The following DYRK4 variants were observed in gnomAD, a reference collection of about 807,000 sequenced individuals.
DYRK4 encodes dual specificity tyrosine-phosphorylation-regulated kinase 4.
Under a neutral mutation model 68.3 loss-of-function variants are expected in DYRK4, and 64 were observed. That is an observed-to-expected ratio of 0.94 (90% confidence interval 0.77 to 1.15). The LOEUF (loss-of-function observed/expected upper bound fraction) is 1.15, where lower values mean the gene tolerates loss of function less well. Among genes scored for constraint, DYRK4 ranks in the 50% most tolerant of loss-of-function variants. The pLI is 0.00. For synonymous variants in DYRK4, 274 were observed against 289.9 expected, an observed-to-expected ratio of 0.95 and a Z score of 0.56; for missense variants, 740 against 764.7, an observed-to-expected ratio of 0.97 and a Z score of 0.38.
chr12:4,602,547 G>T, intron 10 of DYRK4: 1 of 1,209,686 alleles, frequency 8.3e-7, no homozygotes, highest in Non-Finnish European at 1.2e-6. Flanking sequence ...TAAGTGGAGG[G>T]ATATAAGCCA....
intron 2 of DYRK4, among the ~76,000 whole-genome samples, chr12:4,572,488 A>G (rs1413174086): frequency 6.6e-6 from 1 of 152,060 alleles, no homozygotes; most frequent in Non-Finnish European, 1.5e-5. Context: ...GTAGAGACGG[A>G]GTTTCACCAT....
At chr12:4,572,147 G>C (rs1944736176) in intron 2 of DYRK4, among the ~76,000 whole-genome samples, 3 of 152,204 alleles carry the variant, frequency 2.0e-5, no homozygotes, top group Non-Finnish European at 4.4e-5. Context: ...GAATGGTAAT[G>C]ACTCACCTTC....
intron 10 of DYRK4, 67 bp from the exon 11 acceptor site, chr12:4,604,847 C>T (rs1945122219): frequency 6.7e-7 from 1 of 1,485,446 alleles, no homozygotes; most frequent in East Asian, 2.5e-5. Flanking sequence ...AGAAGTTGTC[C>T]TGGGGGAGAG....
intron 6 of DYRK4, among the ~76,000 whole-genome samples, chr12:4,594,580 C>G (rs1300788175): frequency 6.6e-6 from 1 of 152,176 alleles, no homozygotes; most frequent in Non-Finnish European, 1.5e-5. Flanking sequence ...CAACCCCTCC[C>G]TCCCTGCTCC....
chr12:4,599,767 A>G lies in DYRK4; in HGVS notation c.1105A>G (p.Ser369Gly), dbSNP rs147140039. ...ASVKVIDFGS[S>G]CYEHQKVYTY... is the part of the protein sequence containing the mutation. ...TGTTAAAGTCATTGACTTTGGATCA[A>G]GCTGTTATGAACACCAGAAAGGTGA... is the stretch of plus-strand genomic sequence containing the variant. The change falls in exon 10 of 15, where the codon AGC becomes GGC. Residue 369 changes from serine to glycine, a missense_variant. By Grantham distance (56) the Ser-to-Gly change is moderately conservative. Coordinates refer to ENST00000543431, the MANE Select transcript of DYRK4 (RefSeq NM_001394779.1). 3.7e-6 allele frequency: 6 copies of G among 1,613,996 alleles called. No homozygotes were observed. Among genetic ancestry groups the G allele is most frequent in the Non-Finnish European group, 5.1e-6 (6 of 1,179,984 alleles).
intron 2 of DYRK4, among the ~76,000 whole-genome samples, chr12:4,573,724 G>T (rs899244680): frequency 6.6e-6 from 1 of 152,184 alleles, no homozygotes. Context: ...GATCCAAAGA[G>T]ATTTATGTAG....
Position 4,596,446 on chromosome 12 carries a change from G to A in DYRK4, c.765-143G>A, listed in dbSNP as rs561763605. The A allele has an allele frequency of 4.7e-6, 7 of 1,496,582 alleles. No individual in the cohort carries two copies. In the South Asian group the frequency reaches 5.4e-5, roughly 12 times the overall value. 92.7% of individuals were successfully genotyped at this position (1,496,582 alleles called of 1,614,324 possible). A position where few individuals can be genotyped will look rare whatever the true frequency, so the allele number is the denominator to read the frequency against. On this transcript the variant is annotated intron_variant, in intron 7 of 14. Transcript: ENST00000543431. ...GATTCCATGAGGGGGCAAAGAGGAG[G>A]TGAGAGTGTGGTATTTTTAGTGCTT...
At position 4,593,177 on chromosome 12, in the gene DYRK4, G is replaced by A; in HGVS notation, c.627+12G>A. 3 of 1,612,236 alleles carry A rather than the reference G, an allele frequency of 1.9e-6. No individual in the cohort carries two copies. Among genetic ancestry groups the A allele is most frequent in the Non-Finnish European group, 1.7e-6 (2 of 1,179,388 alleles). On this transcript the variant is annotated intron_variant, in intron 6 of 14. Transcript: ENST00000543431. ...GCTTCTATCTGAAGGTGATGGGGGT[G>A]GGGGCCATGGGAACCTGCAGGGGCC...
intron 3 of DYRK4, among the ~76,000 whole-genome samples, chr12:4,589,461 C>G (rs73039836): frequency 0.045 from 6,858 of 152,230 alleles, 218 homozygotes; most frequent in Admixed American, 0.084. Context: ...TTAACCATCC[C>G]CACCTCTCCC....
chr12:4,572,000 T>A (rs1008445872), intron 2 of DYRK4, among the ~76,000 whole-genome samples: 1 of 152,224 alleles, frequency 6.6e-6, no homozygotes, highest in African/African-American at 2.4e-5. Flanking sequence ...CCTCTACAAG[T>A]ATGTGCTGTC....
chr12:4,585,884 C>G (rs1475669648), intron 2 of DYRK4, among the ~76,000 whole-genome samples: 3 of 152,122 alleles, frequency 2.0e-5, no homozygotes, highest in Non-Finnish European at 4.4e-5. Context: ...GTTTAGAAGT[C>G]TTCTGAGAGC....
Position 4,604,973 on chromosome 12 carries a change from T to A in DYRK4, c.1186T>A (p.Tyr396Asn). Reference protein sequence around the residue: ...RSPEVILGHPYDVAIDMWSLG... With the variant: ...RSPEVILGHPNDVAIDMWSLG... Reference sequence around the variant, plus strand: ...CCCAGAAGTGATCCTGGGCCACCCCTACGACGTGGCCATTGACATGTGGAG... The same window carrying A: ...CCCAGAAGTGATCCTGGGCCACCCCAACGACGTGGCCATTGACATGTGGAG... The change falls in exon 11 of 15, where the codon TAC becomes AAC. Residue 396 changes from tyrosine (Y) to asparagine (N), a missense_variant. Coordinates refer to ENST00000543431, the MANE Select transcript of DYRK4 (RefSeq NM_001394779.1). 5 of 1,614,028 alleles carry A rather than the reference T, an allele frequency of 3.1e-6. 1 individual carries two copies. Among genetic ancestry groups the A allele is most frequent in the Middle Eastern group, 3.3e-4 (2 of 6,062 alleles).
chr12:4,575,969 G>A (rs897684369), intron 2 of DYRK4, among the ~76,000 whole-genome samples: 1 of 151,998 alleles, frequency 6.6e-6, no homozygotes, highest in African/African-American at 2.4e-5. Context: ...TCCTATTATT[G>A]ACATTTTACA....
intron 5 of DYRK4, 110 bp from the exon 6 acceptor site, chr12:4,592,892 C>A: frequency 1.4e-6 from 2 of 1,385,260 alleles, no homozygotes; most frequent in Non-Finnish European, 9.8e-7. Context: ...AGCCACCCAG[C>A]TGGGGAACAG....
At chr12:4,563,266 T>C in intron 1 of DYRK4, 1 of 407,224 alleles carries the variant, frequency 2.5e-6, no homozygotes, top group Middle Eastern at 3.6e-4. Flanking sequence ...TTCTCTTGTT[T>C]GTTTTGGTCC....
intron 2 of DYRK4, among the ~76,000 whole-genome samples, chr12:4,574,919 T>G (rs904131640): frequency 2.0e-5 from 3 of 152,212 alleles, no homozygotes; most frequent in African/African-American, 7.2e-5. Context: ...GGTTTCACCT[T>G]GTTGGCCAGA....
intron 12 of DYRK4, 68 bp downstream of exon 12, chr12:4,607,455 T>A: frequency 6.5e-7 from 1 of 1,547,842 alleles, no homozygotes; most frequent in African/African-American, 1.4e-5. Flanking sequence ...TAAGGCTCAT[T>A]TCATTCTTTT....
At chr12:4,602,609 CTTCT>C in intron 10 of DYRK4, 2 of 1,343,058 alleles carry the variant, frequency 1.5e-6, no homozygotes, top group Non-Finnish European at 1.1e-6. Flanking sequence ...GCTGCAGAAT[CTTCT>C]TTCTTGATGC....
At chr12:4,587,099 A>G (rs1343905039) in intron 2 of DYRK4, among the ~76,000 whole-genome samples, 1 of 152,234 alleles carries the variant, frequency 6.6e-6, no homozygotes, top group Non-Finnish European at 1.5e-5. Context: ...TGCTTTGCAC[A>G]TGTAACTGCC....
Sources: allele counts gnomAD v4.1 joint callset (sites outside exome capture counted in the v4.1 genomes callset), GRCh38; gene constraint gnomAD v4.1.1; transcripts MANE v1.5; gene names NCBI Gene and HGNC (gene_info 2026-07-23, HGNC 2026-07-21).